Variants in MLLT6 observed in about 807,000 individuals in gnomAD.
The protein encoded by MLLT6 is protein AF-17.
In MLLT6, 22 loss-of-function variants were observed where a neutral mutation model predicts 103.0. The ratio of observed to expected loss-of-function variants is 0.21; its 90% CI spans 0.15 to 0.31. The LOEUF is 0.31. Ranked by LOEUF, MLLT6 falls within the 10% of genes least tolerant of loss-of-function variation. The probability of loss-of-function intolerance (pLI) is 1.00; values close to 1 mark genes in which losing one functional copy is unlikely to be tolerated. For missense variants in MLLT6, 1,199 were observed against 1,441.7 expected, an observed-to-expected ratio of 0.83 and a Z score of 2.73; for synonymous variants, 606 against 623.5, an observed-to-expected ratio of 0.97 and a Z score of 0.42.
In MLLT6 at chr17:38,709,583, C is replaced by T. The variant is rs1397914780; in HGVS notation, c.552+8C>T. ...TACCACTTCAGCAAGATGGTGAGTCCTGGCGACCAGCGCATGAGCGGGTCA... is the reference window on the plus strand; with the variant it reads ...TACCACTTCAGCAAGATGGTGAGTCTTGGCGACCAGCGCATGAGCGGGTCA... On this transcript the variant is annotated splice_region_variant and intron_variant, in intron 6 of 19. Coordinates refer to ENST00000621332, the MANE Select transcript of MLLT6 (RefSeq NM_005937.4). This position sits in a 1 kb window ranked among gnomAD's most constrained non-coding sequence, Gnocchi z 4.3. The T allele has an allele frequency of 1.9e-5, 31 of 1,609,726 alleles. No individual in the cohort carries two copies. The highest frequency in any genetic ancestry group is 2.6e-5 in the Non-Finnish European group (30 of 1,176,182).
At chr17:38,712,875 G>C in intron 8 of MLLT6, 86 bp downstream of exon 8, 1 of 948,794 alleles carries the variant, frequency 1.1e-6, no homozygotes, top group Non-Finnish European at 1.7e-6. Flanking sequence ...TGGTGAGTCA[G>C]GGACCTGGGC....
intron 19 of MLLT6, chr17:38,725,279 C>A: frequency 3.7e-6 from 2 of 535,450 alleles, no homozygotes; most frequent in Non-Finnish European, 6.5e-6. Context: ...AAAAAGATGA[C>A]CCTCTGGGTA....
rs1190977492 is a variant in MLLT6, at chr17:38,716,938, G to C, written c.1608G>C (p.Gly536=). 4.3e-6 allele frequency: 7 copies of C among 1,613,748 alleles called. No individual in the cohort carries two copies. In the South Asian group the frequency reaches 7.7e-5, roughly 18 times the overall value. Residue 536 remains glycine, a synonymous_variant, in exon 10 of 20, where the codon GGG becomes GGC. Transcript: ENST00000621332. This position sits in a 1 kb window ranked among gnomAD's most constrained non-coding sequence, Gnocchi z 5.6. ...GLSSRTFGPS[G]SLPSLSLESP... is the part of the protein sequence containing the mutation. ...CCTCCCGAACCTTTGGGCCTTCTGG[G>C]AGCTTGCCCAGCTTGAGCCTGGAGT...
intron 14 of MLLT6, 49 bp from the exon 15 acceptor site, chr17:38,720,323 C>G: frequency 1.1e-6 from 1 of 948,970 alleles, no homozygotes; most frequent in Middle Eastern, 3.3e-4. Flanking sequence ...TCCCCTGGCC[C>G]CGCCTCCGCC....
intron 12 of MLLT6, 78 bp from the exon 13 acceptor site, chr17:38,719,439 C>A: frequency 2.4e-6 from 3 of 1,266,006 alleles, no homozygotes; most frequent in Non-Finnish European, 3.4e-6. Context: ...AGGTCCCAAT[C>A]CCATATCCAT....
At position 38,728,048 on chromosome 17, in the gene MLLT6, C is replaced by T. The variant is rs958988165; in HGVS notation, c.*2450C>T. The T allele has an allele frequency of 4.3e-6, 1 of 233,192 alleles. No homozygotes were observed. The highest frequency in any genetic ancestry group is 8.5e-6 in the Non-Finnish European group (1 of 118,064). The allele number at this position is 233,192 out of a possible 1,614,324, so 14.4% of individuals were successfully genotyped here. On this transcript the variant is annotated 3_prime_UTR_variant, in exon 20 of 20. Transcript: ENST00000621332. The stretch of plus-strand genomic sequence containing the variant: ...AGCCCAAACCAAAGGCTGGGGTTCT[C>T]ATCTCCAAGTGGCTGTTCTCCAACT...
At chr17:38,721,716 A>G (rs895511310) in intron 16 of MLLT6, among the ~76,000 whole-genome samples, 162 bp from the exon 17 acceptor site, 1 of 152,218 alleles carries the variant, frequency 6.6e-6, no homozygotes, top group East Asian at 1.9e-4. Flanking sequence ...TCGTGAAGAC[A>G]ATTTGGATTC....
In MLLT6 at chr17:38,722,021, G is replaced by C; in HGVS notation, c.2586G>C (p.Pro862=). ...CCCCTGCCCCACTCCCGCCCCAGCCGCAGAACGGGTTGGGCCGGGCACCCG... is the reference window on the plus strand; with the variant it reads ...CCCCTGCCCCACTCCCGCCCCAGCCCCAGAACGGGTTGGGCCGGGCACCCG... ...PGAPAPLPPQ[P]QNGLGRAPGA... is the part of the protein sequence containing the mutation. The change falls in exon 17 of 20, where the codon CCG becomes CCC. Residue 862 remains proline, a synonymous_variant. Coordinates refer to ENST00000621332, the MANE Select transcript of MLLT6 (RefSeq NM_005937.4). The C allele has an allele frequency of 6.8e-7, 1 of 1,471,306 alleles. No individual in the cohort carries two copies. Among genetic ancestry groups the C allele is most frequent in the Non-Finnish European group, 9.0e-7 (1 of 1,113,204 alleles). The allele number at this position is 1,471,306 out of a possible 1,614,324, so 91.1% of individuals were successfully genotyped here. A position where few individuals can be genotyped will look rare whatever the true frequency, so the allele number is the denominator to read the frequency against.
Position 38,725,698 on chromosome 17 carries a change from G to A in MLLT6, c.*100G>A, listed in dbSNP as rs1161191985. ...GGCGCCTGCGCCCAGACCCTGGAGA[G>A]CCTTGACCCAGAGCCTGTGCTGAGG... On this transcript the variant is annotated 3_prime_UTR_variant, in exon 20 of 20. Coordinates refer to ENST00000621332, the MANE Select transcript of MLLT6 (RefSeq NM_005937.4). 4.8e-6 allele frequency: 5 copies of A among 1,051,554 alleles called. No individual in the cohort carries two copies. The highest frequency in any genetic ancestry group is 4.1e-6 in the Non-Finnish European group (3 of 728,448). The allele number at this position is 1,051,554 out of a possible 1,614,324, so 65.1% of individuals were successfully genotyped here. A position where few individuals can be genotyped will look rare whatever the true frequency, so the allele number is the denominator to read the frequency against.
chr17:38,725,033 A>C, intron 19 of MLLT6, 57 bp downstream of exon 19: 1 of 1,239,686 alleles, frequency 8.1e-7, no homozygotes, highest in Non-Finnish European at 1.1e-6. Flanking sequence ...GTAGAGATGG[A>C]TTGTCAGAAG....
In MLLT6 at chr17:38,715,616, C is replaced by T; in HGVS notation, c.824C>T (p.Ser275Phe). ...TTCCTCTCTCCTCTCCTTCAGGTCT[C>T]CTCCTCGGCTTCCTCTTCCTCCCAC... Reference protein sequence around the residue: ...PPVVPTADKVSSSASSSSHHE... With the variant: ...PPVVPTADKVFSSASSSSHHE... The change falls in exon 9 of 20, where the codon TCC (serine) becomes TTC (phenylalanine). Residue 275 changes from serine (S) to phenylalanine (F), a missense_variant. Coordinates refer to ENST00000621332, the MANE Select transcript of MLLT6 (RefSeq NM_005937.4). 5 of 1,611,628 alleles carry T rather than the reference C, an allele frequency of 3.1e-6. No individual in the cohort carries two copies. Among genetic ancestry groups the T allele is most frequent in the South Asian group, 1.1e-5 (1 of 90,836 alleles).
rs770011321 is a variant in MLLT6 at position 38,707,837 on chromosome 17, G to A, written c.319G>A (p.Val107Met). The A allele has an allele frequency of 1.2e-6, 2 of 1,613,494 alleles. No homozygotes were observed. The highest frequency in any genetic ancestry group is 1.7e-6 in the Non-Finnish European group (2 of 1,179,756). ...FANVLTMEPI[V>M]LQYVPHDRFN... ...CAACGTGCTCACCATGGAGCCCATC[G>A]TGCTGCAGTACGTGCCTCATGATCG... The change falls in exon 4 of 20, where the codon GTG becomes ATG. Residue 107 changes from valine to methionine, a missense_variant. By Grantham distance (21) the Val-to-Met change is conservative. Around this residue, in one of 7 missense-constraint regions of MLLT6, gnomAD observed 59 missense variants for 135.1 expected, o/e 0.44. Coordinates refer to ENST00000621332, the MANE Select transcript of MLLT6 (RefSeq NM_005937.4).
Position 38,716,341 on chromosome 17 carries a change from T to C in MLLT6, c.1037-26T>C. ...GGAGTGCGGGGATCTGGGGTCCAGC[T>C]GTAACTGTTTCCCCTCTGTGCACAG... On this transcript the variant is annotated intron_variant, in intron 9 of 19. Transcript: ENST00000621332. This position sits in a 1 kb window ranked among gnomAD's most constrained non-coding sequence, Gnocchi z 5.6. The C allele has an allele frequency of 5.0e-6, 8 of 1,594,866 alleles. No individual in the cohort carries two copies. Among genetic ancestry groups the C allele is most frequent in the Non-Finnish European group, 6.8e-6 (8 of 1,174,332 alleles).
chr17:38,716,379 A>G lies in MLLT6; in HGVS notation c.1049A>G (p.Gln350Arg), dbSNP rs1421300699. The G allele has an allele frequency of 6.2e-7, 1 of 1,612,206 alleles. No individual in the cohort carries two copies. The highest frequency in any genetic ancestry group is 8.5e-7 in the Non-Finnish European group (1 of 1,179,344). Residue 350 changes from glutamine (Q) to arginine (R), a missense_variant, in exon 10 of 20, where the codon CAG becomes CGG. Transcript: ENST00000621332. This position sits in a 1 kb window ranked among gnomAD's most constrained non-coding sequence, Gnocchi z 5.6. ...GPFQPAVSSLQSSPDFSAFPK... is the reference protein window; with the variant it reads ...GPFQPAVSSLRSSPDFSAFPK... ...CCTCTGTGCACAGTCTCGTCCCTGC[A>G]GAGCTCCCCTGACTTCTCTGCATTC...
rs1905911114 is a variant in MLLT6 at position 38,724,313 on chromosome 17, G to A, written c.2884-307G>A. Reference sequence around the variant, plus strand: ...GACCTAGTTTAGTGTTTTTCAACTTGGGGGCGTCTGTGGTTGTCTTAGGAG... The same window carrying A: ...GACCTAGTTTAGTGTTTTTCAACTTAGGGGCGTCTGTGGTTGTCTTAGGAG... On this transcript the variant is annotated intron_variant, in intron 18 of 19. Coordinates refer to ENST00000621332, the MANE Select transcript of MLLT6 (RefSeq NM_005937.4). The surrounding 1 kb of genome is among the most constrained non-coding windows in gnomAD (Gnocchi z 5.4). 3 of 378,870 alleles carry A rather than the reference G, an allele frequency of 7.9e-6. No homozygotes were observed. The highest frequency in any genetic ancestry group is 7.9e-5 in the East Asian group (2 of 25,382). 23.5% of individuals were successfully genotyped at this position (378,870 alleles called of 1,614,324 possible).
intron 6 of MLLT6, 105 bp from the exon 7 acceptor site, chr17:38,711,742 G>T: frequency 1.5e-6 from 2 of 1,376,540 alleles, no homozygotes; most frequent in Middle Eastern, 5.3e-4. Context: ...TGACAGACGG[G>T]GCACATGGGG....
rs531574649 is a variant in MLLT6, at chr17:38,709,669, A to G, written c.552+94A>G. On this transcript the variant is annotated intron_variant, in intron 6 of 19. Transcript: ENST00000621332. The surrounding 1 kb of genome is among the most constrained non-coding windows in gnomAD (Gnocchi z 4.3). ...CTGGGCCAGGCCAGTGCCTGGTGCTAGGAGGACAGAGAGGGAAAAAACCCA... is the reference window on the plus strand; with the variant it reads ...CTGGGCCAGGCCAGTGCCTGGTGCTGGGAGGACAGAGAGGGAAAAAACCCA... 3.5e-5 allele frequency: 33 copies of G among 952,310 alleles called. No homozygotes were observed. In the Middle Eastern group the frequency reaches 1.9e-3, roughly 54 times the overall value. 59.0% of individuals were successfully genotyped at this position (952,310 alleles called of 1,614,324 possible).
chr17:38,724,871 T>G lies in MLLT6; in HGVS notation c.3135T>G (p.Ala1045=). 6.4e-7 allele frequency: 1 copy of G among 1,566,150 alleles called. No individual in the cohort carries two copies. The highest frequency in any genetic ancestry group is 8.7e-7 in the Non-Finnish European group (1 of 1,155,656). The change falls in exon 19 of 20, where the codon GCT becomes GCG. Residue 1045 remains alanine (A), a synonymous_variant. Transcript: ENST00000621332. This position sits in a 1 kb window ranked among gnomAD's most constrained non-coding sequence, Gnocchi z 5.4. ...GTCTCATGGCCGCAGCAGCTGCAGC[T>G]GCAGCAGTAGCAGCAGCAGGCGGAC... ...NTSLMAAAAA[A]AAVAAAGGPP...
In MLLT6 at chr17:38,728,738, C is replaced by T. The variant is rs542542816; in HGVS notation, c.*3140C>T. 2.9e-3 allele frequency: 675 copies of T among 234,538 alleles called. 1 individual carries two copies. The highest frequency in any genetic ancestry group is 5.1e-3 in the Middle Eastern group (4 of 790). The allele number at this position is 234,538 out of a possible 1,614,324, so 14.5% of individuals were successfully genotyped here. On this transcript the variant is annotated 3_prime_UTR_variant, in exon 20 of 20. Coordinates refer to ENST00000621332, the MANE Select transcript of MLLT6 (RefSeq NM_005937.4). ...GGCCCTTGGTTCCCCTGCCCCACAA[C>T]ATGGTCTCCACATGGCTGGCTGGCT... is the stretch of plus-strand genomic sequence containing the variant.
Sources: allele counts gnomAD v4.1 joint callset (sites outside exome capture counted in the v4.1 genomes callset), GRCh38; gene constraint gnomAD v4.1.1; regional missense constraint gnomAD v4.1.1; non-coding constraint Gnocchi (gnomAD v3.1); transcripts MANE v1.5; gene names NCBI Gene and HGNC (gene_info 2026-07-23, HGNC 2026-07-21).